Variants in PRPH2 observed in about 807,000 individuals in gnomAD.
The protein encoded by PRPH2 is peripherin 2, also known as peripherin-2.
PRPH2 carries 17 observed loss-of-function variants against 31.3 expected under a neutral mutation model. That is an observed-to-expected ratio of 0.54 (90% CI 0.37 to 0.81). The LOEUF (loss-of-function observed/expected upper bound fraction) is 0.81, where lower values mean the gene tolerates loss of function less well. PRPH2 is among the 40% of genes least tolerant of loss of function. The pLI, the probability that PRPH2 is intolerant of heterozygous loss-of-function variation, is 0.00. For missense variants in PRPH2, 430 were observed against 439.7 expected, an observed-to-expected ratio of 0.98 and a Z score of 0.20; for synonymous variants, 165 against 184.4, an observed-to-expected ratio of 0.89 and a Z score of 0.85.
intron 2 of PRPH2, among the ~76,000 whole-genome samples, chr6:42,703,897 C>T (rs1181119895): frequency 2.0e-5 from 3 of 152,062 alleles, no homozygotes; most frequent in African/African-American, 4.8e-5. Flanking sequence ...GTCAGGAGAT[C>T]GAGACCATCC....
intron 1 of PRPH2, among the ~76,000 whole-genome samples, chr6:42,711,200 G>A (rs1197856841): frequency 6.6e-6 from 1 of 152,170 alleles, no homozygotes; most frequent in Non-Finnish European, 1.5e-5. Context: ...TCATGGGAGT[G>A]GGTTCCTGAG....
chr6:42,706,529 C>T (rs945278282), intron 1 of PRPH2, among the ~76,000 whole-genome samples: 17 of 151,062 alleles, frequency 1.1e-4, no homozygotes, highest in Middle Eastern at 3.4e-3. Flanking sequence ...CACTTGAGCC[C>T]GAGACGCAGA....
intron 1 of PRPH2, among the ~76,000 whole-genome samples, chr6:42,706,571 ACT>A (rs1000860538): frequency 1.4e-5 from 2 of 147,806 alleles, no homozygotes; most frequent in Non-Finnish European, 3.0e-5. Context: ...CGCCAGTGAG[ACT>A]CTGTCTCAAA....
chr6:42,714,680 C>A (rs1243513506), intron 1 of PRPH2, among the ~76,000 whole-genome samples: 1 of 152,080 alleles, frequency 6.6e-6, no homozygotes, highest in Non-Finnish European at 1.5e-5. Context: ...CCACACCTAG[C>A]TAATTTTTGT....
intron 1 of PRPH2, among the ~76,000 whole-genome samples, chr6:42,715,528 A>C (rs1460910973): frequency 1.3e-5 from 2 of 151,918 alleles, no homozygotes; most frequent in East Asian, 3.9e-4. Context: ...AAAATTAGCC[A>C]GGTGTGGAGG....
At position 42,722,405 on chromosome 6, in the gene PRPH2, C is replaced by T. The variant is rs1026033304; in HGVS notation, c.-71G>A. 77 of 1,595,206 alleles carry T rather than the reference C, an allele frequency of 4.8e-5. 2 individuals carry two copies. In the South Asian group the frequency reaches 7.9e-4, roughly 16 times the overall value. On this transcript the variant is annotated 5_prime_UTR_variant, in exon 1 of 3. Coordinates refer to ENST00000230381, the MANE Select transcript of PRPH2 (RefSeq NM_000322.5). The surrounding 1 kb of genome is among the most constrained non-coding windows in gnomAD (Gnocchi z 4.4). Reference sequence around the variant, plus strand: ...CCCCAAACCTTAACGAGCCCAGAGGCGGAGACTTAGGGCCTTGGGAAAAGT... The same window carrying T: ...CCCCAAACCTTAACGAGCCCAGAGGTGGAGACTTAGGGCCTTGGGAAAAGT...
chr6:42,718,204 G>A lies in PRPH2; in HGVS notation c.581+3550C>T, dbSNP rs564658668. 4.6e-5 allele frequency among the ~76,000 whole-genome samples: 7 copies of A among 151,932 alleles called. No homozygotes were observed. The South Asian group carries it at 8.3e-4, about 18-fold the overall frequency. On this transcript the variant is annotated intron_variant, in intron 1 of 2. Coordinates refer to ENST00000230381, the MANE Select transcript of PRPH2 (RefSeq NM_000322.5). ...CTCACGTCTGTAGTCCCAGGTACTC[G>A]GGAGGCTGAGGTGGGAGAATCACTT...
chr6:42,702,131 T>TGA (rs1800057022), intron 2 of PRPH2, among the ~76,000 whole-genome samples: 2 of 151,654 alleles, frequency 1.3e-5, no homozygotes. Context: ...TCCCAGCTAT[T>TGA]TGGAAGGGGC....
Position 42,721,918 on chromosome 6 carries a change from C to T in PRPH2, c.417G>A (p.Lys139=). Residue 139 remains lysine (K), a synonymous_variant, in exon 1 of 3, where the codon AAG becomes AAA. Coordinates refer to ENST00000230381, the MANE Select transcript of PRPH2 (RefSeq NM_000322.5). ...TLGQGLKNGM[K]YYRDTDTPGR... is the part of the protein sequence containing the mutation. ...CAGGGGTGTCTGTGTCCCGGTAGTA[C>T]TTCATGCCGTTCTTGAGCCCTTGGC... 6.2e-7 allele frequency: 1 copy of T among 1,614,176 alleles called. No homozygotes were observed. Among genetic ancestry groups the T allele is most frequent in the Non-Finnish European group, 8.5e-7 (1 of 1,180,038 alleles).
chr6:42,706,991 T>G (rs1254173742), intron 1 of PRPH2, among the ~76,000 whole-genome samples: 1 of 150,754 alleles, frequency 6.6e-6, no homozygotes, highest in East Asian at 1.9e-4. Flanking sequence ...TTTTTTTTTT[T>G]TGGCATGGAT....
chr6:42,701,682 A>ATGTTTTTTTTTTTT (rs1800047652), intron 2 of PRPH2, among the ~76,000 whole-genome samples: 1 of 78,516 alleles, frequency 1.3e-5, no homozygotes, highest in Non-Finnish European at 2.3e-5. Context: ...ACGTCCAGCA[A>ATGTTTTTTTTTTTT]TTTTTTTTTT....
At chr6:42,711,948 G>A (rs1380310480) in intron 1 of PRPH2, 1 of 985,258 alleles carries the variant, frequency 1.0e-6, no homozygotes, top group Non-Finnish European at 1.2e-6. Flanking sequence ...ACCTTTAAAA[G>A]AAGTGTTGTA....
At position 42,701,709 on chromosome 6, in the gene PRPH2, T is replaced by C. The variant is rs1014682577; in HGVS notation, c.828+2656A>G. On this transcript the variant is annotated intron_variant, in intron 2 of 2. Coordinates refer to ENST00000230381, the MANE Select transcript of PRPH2 (RefSeq NM_000322.5). ...TTTTTTTTTTTTTTTTTTTTTTTTT[T>C]AGTAGAGATGAGGGCTCACTATGTT... 1.1e-4 allele frequency among the ~76,000 whole-genome samples: 16 copies of C among 141,008 alleles called. No homozygotes were observed. In the East Asian group the frequency reaches 1.2e-3, roughly 11 times the overall value. 92.5% of individuals were successfully genotyped at this position (141,008 alleles called of 152,430 possible). A position where few individuals can be genotyped will look rare whatever the true frequency, so the allele number is the denominator to read the frequency against.
At chr6:42,704,076 G>A (rs1314419439) in intron 2 of PRPH2, among the ~76,000 whole-genome samples, 1 of 135,864 alleles carries the variant, frequency 7.4e-6, no homozygotes, top group Non-Finnish European at 1.6e-5. Context: ...CTCCAGCCTG[G>A]GCAACACAGA....
chr6:42,701,275 C>A (rs1800040876), intron 2 of PRPH2, among the ~76,000 whole-genome samples: 1 of 152,086 alleles, frequency 6.6e-6, no homozygotes, highest in African/African-American at 2.4e-5. Context: ...AGGCATGCAC[C>A]ATTAGGCCCG....
intron 1 of PRPH2, among the ~76,000 whole-genome samples, chr6:42,713,104 A>G (rs1761703960): frequency 6.6e-6 from 1 of 151,990 alleles, no homozygotes. Flanking sequence ...GGGCACCTGT[A>G]ATCCCAGCTA....
intron 1 of PRPH2, among the ~76,000 whole-genome samples, chr6:42,717,555 C>CA (rs1203716825): frequency 6.6e-6 from 1 of 151,966 alleles, no homozygotes; most frequent in Non-Finnish European, 1.5e-5. Context: ...CTTGTGATCT[C>CA]AAAAAATAAA....
At chr6:42,702,267 G>A (rs774845520) in intron 2 of PRPH2, among the ~76,000 whole-genome samples, 1 of 151,522 alleles carries the variant, frequency 6.6e-6, no homozygotes, top group African/African-American at 2.4e-5. Flanking sequence ...GCGGCTTCCT[G>A]GACATACAGT....
chr6:42,717,113 C>A (rs1369214757), intron 1 of PRPH2, among the ~76,000 whole-genome samples: 1 of 148,148 alleles, frequency 6.8e-6, no homozygotes, highest in East Asian at 2.1e-4. Flanking sequence ...CCAAGAATTT[C>A]TTTTAAAAAG....
Sources: allele counts gnomAD v4.1 joint callset (sites outside exome capture counted in the v4.1 genomes callset), GRCh38; gene constraint gnomAD v4.1.1; non-coding constraint Gnocchi (gnomAD v3.1); transcripts MANE v1.5; gene names NCBI Gene and HGNC (gene_info 2026-07-23, HGNC 2026-07-21).